The following HEMK2 variants were observed in gnomAD, a reference collection of about 807,000 sequenced individuals.
The protein encoded by HEMK2 is methyltransferase HEMK2.
the HEMK2 span, among the ~76,000 whole-genome samples, chr21:28,584,721 G>C: frequency 6.6e-6 from 1 of 152,114 alleles, no homozygotes; most frequent in Non-Finnish European, 1.5e-5. Flanking sequence ...CTTGGGCGGA[G>C]TAGGAAAGCA....
At chr21:28,825,451 C>T in the HEMK2 span, among the ~76,000 whole-genome samples, 2 of 152,232 alleles carry the variant, frequency 1.3e-5, no homozygotes, top group South Asian at 4.1e-4. Flanking sequence ...AGCTAGCAGG[C>T]CACATTAGGC....
At chr21:28,601,472 C>G in the HEMK2 span, among the ~76,000 whole-genome samples, 1 of 152,178 alleles carries the variant, frequency 6.6e-6, no homozygotes, top group South Asian at 2.1e-4. Context: ...AAATGTAATC[C>G]TCCAGTCGAG....
the HEMK2 span, among the ~76,000 whole-genome samples, chr21:28,805,523 C>T: frequency 6.6e-6 from 1 of 152,184 alleles, no homozygotes; most frequent in Non-Finnish European, 1.5e-5. Context: ...TATTCCTAAT[C>T]GACACAACTT....
chr21:28,881,060 C>T, the HEMK2 span, among the ~76,000 whole-genome samples: 1 of 151,730 alleles, frequency 6.6e-6, no homozygotes, highest in African/African-American at 2.4e-5. Flanking sequence ...TTATTTTTGC[C>T]TATAAAAAGG....
the HEMK2 span, chr21:28,883,141 GTGTTATTTCTAGC>G: frequency 3.9e-6 from 4 of 1,036,266 alleles, no homozygotes; most frequent in Non-Finnish European, 5.6e-6. Context: ...TCTCATGCTA[GTGTTATTTCTAGC>G]ATATATATTT....
chr21:28,858,233 T>A, the HEMK2 span, among the ~76,000 whole-genome samples: 1 of 152,214 alleles, frequency 6.6e-6, no homozygotes, highest in Non-Finnish European at 1.5e-5. Context: ...CTGTCAACTA[T>A]GTCCCTAACC....
the HEMK2 span, chr21:28,883,060 C>A: frequency 6.3e-7 from 1 of 1,599,050 alleles, no homozygotes; most frequent in South Asian, 1.1e-5. Flanking sequence ...TACTTCCAGG[C>A]ATATTTCCAC....
the HEMK2 span, among the ~76,000 whole-genome samples, chr21:28,779,413 A>G: frequency 1.3e-5 from 2 of 152,204 alleles, no homozygotes; most frequent in East Asian, 3.8e-4. Context: ...GATTTTAAAA[A>G]GTCAAATTGT....
chr21:28,801,270 C>T, the HEMK2 span, among the ~76,000 whole-genome samples: 1 of 152,210 alleles, frequency 6.6e-6, no homozygotes, highest in Non-Finnish European at 1.5e-5. Context: ...TTGGAGACAA[C>T]TGGGAGCCAA....
At chr21:28,779,361 G>A in the HEMK2 span, among the ~76,000 whole-genome samples, 1 of 152,288 alleles carries the variant, frequency 6.6e-6, no homozygotes, top group South Asian at 2.1e-4. Flanking sequence ...AAATAAGCCA[G>A]GAATAGAAAG....
chr21:28,842,035 A>G, the HEMK2 span, among the ~76,000 whole-genome samples: 1 of 152,118 alleles, frequency 6.6e-6, no homozygotes, highest in South Asian at 2.1e-4. Context: ...ACTACGATAA[A>G]CTGTAACTGT....
chr21:28,666,009 A>C, the HEMK2 span, among the ~76,000 whole-genome samples: 1 of 152,160 alleles, frequency 6.6e-6, no homozygotes, highest in Non-Finnish European at 1.5e-5. Context: ...TTTCTCTTAC[A>C]TTTTCTAATA....
chr21:28,588,753 GAGGTCGGATCACA>G, the HEMK2 span, among the ~76,000 whole-genome samples: 23 of 152,152 alleles, frequency 1.5e-4, no homozygotes, highest in East Asian at 3.7e-3. Flanking sequence ...GTCGGATCAC[GAGGTCGGATCACA>G]AGGTCAGGAG....
the HEMK2 span, among the ~76,000 whole-genome samples, chr21:28,662,045 T>A: frequency 2.0e-5 from 3 of 152,060 alleles, no homozygotes; most frequent in African/African-American, 7.2e-5. Flanking sequence ...CTCTAAGGCA[T>A]CACAGAAGTG....
chr21:28,681,247 T>C, the HEMK2 span, among the ~76,000 whole-genome samples: 2 of 152,186 alleles, frequency 1.3e-5, no homozygotes, highest in Non-Finnish European at 2.9e-5. Flanking sequence ...AGCATTCTTA[T>C]ACACCAATAA....
chr21:28,851,739 T>C, the HEMK2 span, among the ~76,000 whole-genome samples: 1 of 152,216 alleles, frequency 6.6e-6, no homozygotes, highest in African/African-American at 2.4e-5. Context: ...ACCAGTGTTA[T>C]ATCTTATGGA....
At chr21:28,617,108 T>C in the HEMK2 span, among the ~76,000 whole-genome samples, 3 of 152,100 alleles carry the variant, frequency 2.0e-5, no homozygotes, top group Admixed American at 2.0e-4. Context: ...AACAAGGCAA[T>C]AGGTCAGAGA....
At chr21:28,799,638 C>A in the HEMK2 span, among the ~76,000 whole-genome samples, 1 of 152,166 alleles carries the variant, frequency 6.6e-6, no homozygotes, top group African/African-American at 2.4e-5. Flanking sequence ...TTGGTTTCCT[C>A]CTATAAAATC....
At chr21:28,676,932 C>T in the HEMK2 span, among the ~76,000 whole-genome samples, 12 of 152,080 alleles carry the variant, frequency 7.9e-5, no homozygotes, top group Admixed American at 1.3e-4. Flanking sequence ...CCAAGATGGC[C>T]GAATAGGAAC....
Sources: gnomAD v4.1 joint callset for allele counts (sites outside exome capture counted in the v4.1 genomes callset) on GRCh38, gnomAD v4.1.1 for gene constraint, MANE v1.5 for transcripts, NCBI Gene and HGNC (gene_info 2026-07-23, HGNC 2026-07-21) for gene names.